The following COL8A1 variants were observed in gnomAD, a reference collection of about 807,000 sequenced individuals.
COL8A1 encodes the protein collagen alpha-1(VIII) chain.
A neutral mutation model predicts 42.7 loss-of-function variants in COL8A1; 21 were observed. That is an observed-to-expected ratio of 0.49 (90% CI 0.35 to 0.71). COL8A1 has a LOEUF of 0.71. COL8A1 is among the 30% of genes least tolerant of loss of function. The probability of loss-of-function intolerance (pLI) is 0.01; values close to 1 mark genes in which losing one functional copy is unlikely to be tolerated. For synonymous variants in COL8A1, 367 were observed against 369.1 expected (o/e 0.99, Z 0.06); for missense variants, 788 against 962.4 (o/e 0.82, Z 2.40).
chr3:99,738,929 C>T (rs193220518), intron 1 of COL8A1, among the ~76,000 whole-genome samples: 25 of 152,212 alleles, frequency 1.6e-4, no homozygotes, highest in East Asian at 9.6e-4. Flanking sequence ...TCTCTTGGTG[C>T]GCCGTTTTTT....
chr3:99,749,493 T>C (rs1235396247), intron 2 of COL8A1, among the ~76,000 whole-genome samples: 1 of 152,178 alleles, frequency 6.6e-6, no homozygotes, highest in Non-Finnish European at 1.5e-5. Context: ...TGAGGGAATA[T>C]TGAGCAGTAA....
chr3:99,731,509 G>C (rs761233799), intron 1 of COL8A1, among the ~76,000 whole-genome samples: 9 of 152,134 alleles, frequency 5.9e-5, no homozygotes, highest in Non-Finnish European at 1.2e-4. Context: ...CAGGAAATAA[G>C]TTTAGATTCA....
intron 1 of COL8A1, chr3:99,691,704 A>C (rs56218503): frequency 9.8e-6 from 1 of 102,484 alleles, no homozygotes; most frequent in African/African-American, 3.6e-5. Flanking sequence ...TTTTTTTTTA[A>C]AAAAAAAAAA....
At chr3:99,753,828 G>A (rs888767583) in intron 2 of COL8A1, among the ~76,000 whole-genome samples, 5 of 152,148 alleles carry the variant, frequency 3.3e-5, no homozygotes, top group African/African-American at 1.2e-4. Context: ...GCAAACCCAT[G>A]AGATAATACA....
intron 1 of COL8A1, among the ~76,000 whole-genome samples, chr3:99,655,438 T>C (rs906657157): frequency 1.6e-4 from 24 of 152,234 alleles, no homozygotes; most frequent in African/African-American, 5.5e-4. Context: ...CAAGGTACTA[T>C]ACAATGAAAA....
At chr3:99,789,436 A>C (rs2107455103) in intron 2 of COL8A1, among the ~76,000 whole-genome samples, 1 of 152,248 alleles carries the variant, frequency 6.6e-6, no homozygotes, top group Middle Eastern at 3.4e-3. Context: ...TCAAATTTTC[A>C]TTAAGTCCCT....
intron 1 of COL8A1, among the ~76,000 whole-genome samples, chr3:99,700,425 C>T (rs534136153): frequency 2.0e-5 from 3 of 152,236 alleles, no homozygotes; most frequent in South Asian, 2.1e-4. Context: ...ACCCTCCCAC[C>T]GCATAGAGAC....
intron 1 of COL8A1, among the ~76,000 whole-genome samples, chr3:99,681,473 A>T (rs574041536): frequency 4.6e-5 from 7 of 152,270 alleles, no homozygotes; most frequent in South Asian, 4.1e-4. Flanking sequence ...GGGAGGAATT[A>T]AAAAAAAGAT....
intron 1 of COL8A1, among the ~76,000 whole-genome samples, chr3:99,713,340 C>T (rs1315502739): frequency 1.3e-5 from 2 of 152,080 alleles, no homozygotes; most frequent in African/African-American, 4.8e-5. Flanking sequence ...CGTGCAGTCT[C>T]TTTAAATTTT....
intron 2 of COL8A1, among the ~76,000 whole-genome samples, chr3:99,782,832 G>A (rs551638591): frequency 1.3e-5 from 2 of 152,158 alleles, no homozygotes; most frequent in Admixed American, 1.3e-4. Context: ...AGTCAGAATA[G>A]GTGACTTACT....
At chr3:99,697,516 G>A (rs1019194503) in intron 1 of COL8A1, among the ~76,000 whole-genome samples, 12 of 152,110 alleles carry the variant, frequency 7.9e-5, no homozygotes, top group Non-Finnish European at 1.5e-4. Flanking sequence ...AAGAGATGGG[G>A]GAAGCTGAGA....
At chr3:99,736,420 T>G (rs1316289780) in intron 1 of COL8A1, among the ~76,000 whole-genome samples, 1 of 152,180 alleles carries the variant, frequency 6.6e-6, no homozygotes, top group Non-Finnish European at 1.5e-5. Context: ...TTAGGGTACA[T>G]GTGCACATTG....
chr3:99,685,627 ATTC>A (rs1474090266), intron 1 of COL8A1: 14 of 152,256 alleles, frequency 9.2e-5, no homozygotes, highest in Admixed American at 9.2e-4. Flanking sequence ...TCCATTTAGA[ATTC>A]TTCTTCTGAT....
intron 2 of COL8A1, among the ~76,000 whole-genome samples, chr3:99,753,900 G>T (rs966145035): frequency 6.6e-6 from 1 of 152,274 alleles, no homozygotes; most frequent in African/African-American, 2.4e-5. Flanking sequence ...GAAAAGACTT[G>T]CTTGAGGTTG....
chr3:99,751,344 G>A (rs1325449026), intron 2 of COL8A1, among the ~76,000 whole-genome samples: 1 of 152,152 alleles, frequency 6.6e-6, no homozygotes, highest in African/African-American at 2.4e-5. Context: ...GATCACCTGA[G>A]GTCAGGAGTT....
At chr3:99,651,229 G>C (rs1307348687) in intron 1 of COL8A1, among the ~76,000 whole-genome samples, 1 of 152,184 alleles carries the variant, frequency 6.6e-6, no homozygotes, top group Non-Finnish European at 1.5e-5. Flanking sequence ...TGGGGAAAAA[G>C]CATGGTTTAA....
chr3:99,715,696 A>G (rs1468154126), intron 1 of COL8A1, among the ~76,000 whole-genome samples: 3 of 152,078 alleles, frequency 2.0e-5, no homozygotes, highest in African/African-American at 7.2e-5. Flanking sequence ...GTCAGCAAAG[A>G]AAGAATAATT....
At chr3:99,745,464 G>T (rs1395208465) in intron 2 of COL8A1, among the ~76,000 whole-genome samples, 2 of 151,944 alleles carry the variant, frequency 1.3e-5, no homozygotes, top group Admixed American at 6.6e-5. Flanking sequence ...AGTGCAAATG[G>T]GAAAATTAAA....
rs1021181315 is a variant in COL8A1 at position 99,653,539 on chromosome 3, C to G, written c.-129+14875C>G. 5.9e-5 allele frequency among the ~76,000 whole-genome samples: 9 copies of G among 151,916 alleles called. No individual in the cohort carries two copies. In the East Asian group the frequency reaches 1.7e-3, roughly 29 times the overall value. ...TTCACGGGCATCTCTCTCCCTTCAC[C>G]ATGTCAATGCACAGTATATATAGAG... On this transcript the variant is annotated intron_variant, in intron 1 of 3. Coordinates refer to ENST00000652472, the MANE Select transcript of COL8A1 (RefSeq NM_020351.4).
Sources: allele counts gnomAD v4.1 joint callset (sites outside exome capture counted in the v4.1 genomes callset), GRCh38; gene constraint gnomAD v4.1.1; transcripts MANE v1.5; gene names NCBI Gene and HGNC (gene_info 2026-07-23, HGNC 2026-07-21).